CDH12: variants seen among roughly 807,000 people sequenced by gnomAD.
The protein encoded by CDH12 is cadherin 12.
CDH12 carries 41 observed loss-of-function variants against 74.1 expected under a neutral mutation model. The ratio of observed to expected loss-of-function variants is 0.55; its 90% CI spans 0.43 to 0.72. The LOEUF is 0.72. Among genes scored for constraint, CDH12 ranks in the 30% least tolerant of loss-of-function variants. CDH12 has a pLI of 0.00. For synonymous variants in CDH12, 399 were observed against 355.0 expected (o/e 1.12, Z -1.39); for missense variants, 945 against 977.2 (o/e 0.97, Z 0.44).
At chr5:21,930,064 T>A (rs1193424458) in intron 6 of CDH12, among the ~76,000 whole-genome samples, 1 of 152,088 alleles carries the variant, frequency 6.6e-6, no homozygotes, top group Admixed American at 6.5e-5. Flanking sequence ...GCTTTACCAG[T>A]TAGTTAGTAA....
chr5:22,278,050 A>G (rs748461493), intron 3 of CDH12: 1 of 152,228 alleles, frequency 6.6e-6, no homozygotes, highest in Non-Finnish European at 1.5e-5. Context: ...AAACAGGGAC[A>G]TTCGACTTAT....
At chr5:22,747,567 C>T (rs1235831786) in intron 1 of CDH12, among the ~76,000 whole-genome samples, 4 of 138,486 alleles carry the variant, frequency 2.9e-5, no homozygotes, top group Admixed American at 7.8e-5. Flanking sequence ...GCCTAGATTG[C>T]GCTACTACCC....
chr5:22,799,581 AT>A (rs2126412224), intron 1 of CDH12, among the ~76,000 whole-genome samples: 1 of 152,170 alleles, frequency 6.6e-6, no homozygotes, highest in East Asian at 1.9e-4. Context: ...GAGAACTTTT[AT>A]ATGTGACACT....
intron 1 of CDH12, among the ~76,000 whole-genome samples, chr5:22,518,635 C>T (rs1051058998): frequency 2.0e-5 from 3 of 152,130 alleles, no homozygotes; most frequent in Admixed American, 6.6e-5. Context: ...TTTTCTTGTA[C>T]GAATTAGACC....
intron 6 of CDH12, among the ~76,000 whole-genome samples, chr5:21,925,933 G>A (rs1469071604): frequency 1.2e-5 from 1 of 80,708 alleles, no homozygotes; most frequent in Non-Finnish European, 3.4e-5. Flanking sequence ...CCAATAACAT[G>A]CTTTTGATAA....
At chr5:22,769,547 A>G (rs541067951) in intron 1 of CDH12, among the ~76,000 whole-genome samples, 6 of 152,190 alleles carry the variant, frequency 3.9e-5, no homozygotes, top group African/African-American at 9.6e-5. Flanking sequence ...GCTTGGAGAT[A>G]GCCTATCGTG....
intron 1 of CDH12, among the ~76,000 whole-genome samples, chr5:22,612,725 C>T (rs72746643): frequency 0.061 from 9,239 of 152,080 alleles, 490 homozygotes; most frequent in East Asian, 0.2. Flanking sequence ...ATCTTATTAT[C>T]TAACTAGATC....
At chr5:21,802,559 G>C (rs1747179802) in intron 9 of CDH12, 139 bp from the exon 10 acceptor site, 1 of 661,696 alleles carries the variant, frequency 1.5e-6, no homozygotes, top group African/African-American at 1.8e-5. Context: ...ATAACTAGTG[G>C]GTAAGGGCAG....
chr5:22,240,151 C>T (rs977189267), intron 3 of CDH12, among the ~76,000 whole-genome samples: 1 of 152,030 alleles, frequency 6.6e-6, no homozygotes, highest in South Asian at 2.1e-4. Flanking sequence ...TAGCAGTATC[C>T]ATTCTTTTTG....
chr5:22,537,516 T>C (rs974194870), intron 1 of CDH12, among the ~76,000 whole-genome samples: 2 of 151,968 alleles, frequency 1.3e-5, no homozygotes, highest in African/African-American at 4.8e-5. Context: ...AAATCACAAA[T>C]AACATCTCCA....
intron 4 of CDH12, among the ~76,000 whole-genome samples, chr5:22,166,438 G>A (rs1298028787): frequency 2.0e-5 from 3 of 152,090 alleles, no homozygotes; most frequent in Admixed American, 1.3e-4. Flanking sequence ...TCTAGTAGTT[G>A]ATTAAGATTA....
intron 4 of CDH12, among the ~76,000 whole-genome samples, chr5:22,086,772 A>G (rs1420453827): frequency 6.6e-6 from 1 of 152,208 alleles, no homozygotes; most frequent in African/African-American, 2.4e-5. Flanking sequence ...AAGAAACTCA[A>G]CATGGGACAT....
intron 4 of CDH12, among the ~76,000 whole-genome samples, chr5:22,178,107 TA>T (rs902321867): frequency 1.3e-5 from 2 of 152,190 alleles, no homozygotes; most frequent in Admixed American, 6.6e-5. Flanking sequence ...TATTATTTCC[TA>T]AATAGTCAAG....
intron 5 of CDH12, among the ~76,000 whole-genome samples, chr5:22,047,164 C>T (rs532010903): frequency 6.6e-6 from 1 of 152,190 alleles, no homozygotes; most frequent in Non-Finnish European, 1.5e-5. Flanking sequence ...CTAGCTCCAA[C>T]TGTGATGAGC....
At chr5:22,742,073 C>T (rs1044810130) in intron 1 of CDH12, among the ~76,000 whole-genome samples, 2 of 151,696 alleles carry the variant, frequency 1.3e-5, no homozygotes, top group African/African-American at 2.4e-5. Context: ...CCCAGCTACT[C>T]AGGGAGGCTG....
At chr5:22,577,026 G>C (rs1739826361) in intron 1 of CDH12, among the ~76,000 whole-genome samples, 1 of 152,158 alleles carries the variant, frequency 6.6e-6, no homozygotes, top group South Asian at 2.1e-4. Context: ...TTGCAAGACA[G>C]AGAAATGGCA....
intron 5 of CDH12, among the ~76,000 whole-genome samples, chr5:22,026,918 TC>T (rs1738399607): frequency 6.6e-6 from 1 of 152,182 alleles, no homozygotes; most frequent in Non-Finnish European, 1.5e-5. Context: ...GAAAGGTATT[TC>T]TTGCCCATTC....
chr5:22,378,776 G>A (rs1196960550), intron 3 of CDH12, among the ~76,000 whole-genome samples: 1 of 151,986 alleles, frequency 6.6e-6, no homozygotes, highest in Admixed American at 6.6e-5. Context: ...TACAATATTT[G>A]ATACAAAATT....
intron 1 of CDH12, among the ~76,000 whole-genome samples, chr5:22,517,952 T>C (rs1736875727): frequency 6.6e-6 from 1 of 152,208 alleles, no homozygotes; most frequent in Non-Finnish European, 1.5e-5. Flanking sequence ...CAACTGGGCG[T>C]TCATGTTTCT....
Sources: gnomAD v4.1 joint callset for allele counts (sites outside exome capture counted in the v4.1 genomes callset) on GRCh38, gnomAD v4.1.1 for gene constraint, MANE v1.5 for transcripts, NCBI Gene and HGNC (gene_info 2026-07-23, HGNC 2026-07-21) for gene names.